The following LCLAT1 variants were observed in gnomAD, a reference collection of about 807,000 sequenced individuals.
The protein encoded by LCLAT1 is 1-AGP acyltransferase 8.
In LCLAT1, 11 loss-of-function variants were observed where a neutral mutation model predicts 30.7. That is an observed-to-expected ratio of 0.36 (90% CI 0.23 to 0.59). LCLAT1 has a LOEUF of 0.59. LCLAT1 is among the 20% of genes least tolerant of loss of function. LCLAT1 has a pLI of 0.77. For missense variants in LCLAT1, 402 were observed against 458.6 expected (o/e 0.88, Z 1.13); for synonymous variants, 155 against 151.3 (o/e 1.02, Z -0.18).
chr2:30,575,938 A>G (rs890687678), intron 5 of LCLAT1, among the ~76,000 whole-genome samples: 9 of 152,264 alleles, frequency 5.9e-5, no homozygotes, highest in African/African-American at 2.2e-4. Context: ...AGCTATAAAA[A>G]TGCCTACTAT....
intron 5 of LCLAT1, among the ~76,000 whole-genome samples, chr2:30,621,276 C>T (rs1009665537): frequency 2.0e-5 from 3 of 152,060 alleles, no homozygotes; most frequent in Admixed American, 6.6e-5. Context: ...GTGGAGTGAA[C>T]GTTTGTGTTC....
chr2:30,477,105 G>T (rs1024438147), intron 1 of LCLAT1, among the ~76,000 whole-genome samples: 1 of 152,074 alleles, frequency 6.6e-6, no homozygotes, highest in Non-Finnish European at 1.5e-5. Flanking sequence ...ATCAACGCTT[G>T]TTCCTGTGCC....
At chr2:30,465,192 A>G (rs1272866678) in intron 1 of LCLAT1, among the ~76,000 whole-genome samples, 1 of 152,226 alleles carries the variant, frequency 6.6e-6, no homozygotes, top group Non-Finnish European at 1.5e-5. Flanking sequence ...AGTGGTCCCT[A>G]AAAGCAATCC....
intron 3 of LCLAT1, among the ~76,000 whole-genome samples, chr2:30,550,399 T>C (rs1042505319): frequency 6.6e-6 from 1 of 152,244 alleles, no homozygotes; most frequent in Non-Finnish European, 1.5e-5. Flanking sequence ...AATACCACCT[T>C]GCTTTTTAGT....
chr2:30,497,922 T>C (rs1401304010), intron 1 of LCLAT1, among the ~76,000 whole-genome samples: 1 of 152,240 alleles, frequency 6.6e-6, no homozygotes, highest in Non-Finnish European at 1.5e-5. Context: ...TGGAATTTGC[T>C]ACACAAATGT....
At chr2:30,525,955 T>C (rs1415409038) in intron 2 of LCLAT1, among the ~76,000 whole-genome samples, 200 bp downstream of exon 2, 1 of 152,178 alleles carries the variant, frequency 6.6e-6, no homozygotes, top group Middle Eastern at 3.2e-3. Context: ...TTGTTATTGT[T>C]AGGGAATTGT....
At chr2:30,554,590 A>T (rs1246861870) in intron 3 of LCLAT1, among the ~76,000 whole-genome samples, 2 of 152,198 alleles carry the variant, frequency 1.3e-5, no homozygotes, top group Non-Finnish European at 2.9e-5. Context: ...CTTAATTCAT[A>T]AGGTTGTCTT....
chr2:30,469,154 C>T (rs1025391405), intron 1 of LCLAT1, among the ~76,000 whole-genome samples: 1 of 151,904 alleles, frequency 6.6e-6, no homozygotes, highest in Non-Finnish European at 1.5e-5. Context: ...GATACTAGAC[C>T]CTTGACTTGT....
At chr2:30,607,845 CTGTGTGTGTG>C (rs55801578) in intron 5 of LCLAT1, 19,081 of 137,980 alleles carry the variant, frequency 0.14, 1,541 homozygotes, top group East Asian at 0.37. Context: ...TAGGCCTAGG[CTGTGTGTGTG>C]TGTGTGTGTG....
chr2:30,636,627 T>C (rs1256049779), intron 5 of LCLAT1, among the ~76,000 whole-genome samples: 1 of 152,118 alleles, frequency 6.6e-6, no homozygotes, highest in Admixed American at 6.6e-5. Context: ...CCATCAAACT[T>C]GCCATCTCAA....
chr2:30,638,629 G>A (rs180853630), intron 5 of LCLAT1, among the ~76,000 whole-genome samples: 5 of 152,234 alleles, frequency 3.3e-5, no homozygotes, highest in East Asian at 1.9e-4. Flanking sequence ...CAAACTTCTC[G>A]GCCTCTTATA....
chr2:30,534,944 A>T (rs1686171408), intron 3 of LCLAT1, among the ~76,000 whole-genome samples: 2 of 152,202 alleles, frequency 1.3e-5, no homozygotes, highest in South Asian at 4.1e-4. Flanking sequence ...TCTACATGAG[A>T]TATACTAACA....
intron 5 of LCLAT1, among the ~76,000 whole-genome samples, chr2:30,625,835 A>G (rs956537046): frequency 6.6e-6 from 1 of 152,206 alleles, no homozygotes; most frequent in African/African-American, 2.4e-5. Flanking sequence ...GTCATACGAT[A>G]AGTGACCACT....
chr2:30,556,346 G>A (rs1456851287), intron 3 of LCLAT1, among the ~76,000 whole-genome samples: 1 of 152,094 alleles, frequency 6.6e-6, no homozygotes, highest in Non-Finnish European at 1.5e-5. Flanking sequence ...GCAGCAGAGT[G>A]GATTTGGTCC....
intron 5 of LCLAT1, among the ~76,000 whole-genome samples, chr2:30,586,529 A>C (rs1469880555): frequency 6.6e-6 from 1 of 152,194 alleles, no homozygotes; most frequent in East Asian, 1.9e-4. Context: ...CTATAACATC[A>C]TTGTGACTTA....
rs1398111110 is a variant in LCLAT1, at chr2:30,616,812, T to C, written c.629-23305T>C. On this transcript the variant is annotated intron_variant, in intron 5 of 5. Transcript: ENST00000379509. ...GCTTATTTGAATGAATAGGAAAAGA[T>C]CCTGTTTCAAATAAAATGCTAATAC... Among the ~76,000 whole-genome samples the C allele has an allele frequency of 2.0e-5, 3 of 151,962 alleles. No homozygotes were observed. The South Asian group carries it at 6.2e-4, about 32-fold the overall frequency.
At chr2:30,627,790 G>T (rs1404742893) in intron 5 of LCLAT1, among the ~76,000 whole-genome samples, 1 of 151,882 alleles carries the variant, frequency 6.6e-6, no homozygotes, top group African/African-American at 2.4e-5. Context: ...AAAGATATTT[G>T]ATAAAGTCAA....
In LCLAT1 at chr2:30,533,101, G is replaced by T; in HGVS notation, c.166-15G>T. On this transcript the variant is annotated splice_polypyrimidine_tract_variant and intron_variant, in intron 2 of 5. Transcript: ENST00000379509. ...CATAACTTTAATTTGCTGTATATCT[G>T]TATTGTTTTCTTAGGCATTATTGGA... 1.9e-6 allele frequency: 3 copies of T among 1,575,562 alleles called. No homozygotes were observed. Among genetic ancestry groups the T allele is most frequent in the Non-Finnish European group, 2.6e-6 (3 of 1,144,942 alleles).
intron 1 of LCLAT1, among the ~76,000 whole-genome samples, chr2:30,513,288 A>G (rs991150895): frequency 2.6e-5 from 4 of 151,720 alleles, no homozygotes; most frequent in African/African-American, 4.8e-5. Flanking sequence ...ACATTTAACT[A>G]TATGTATTTA....
Sources: allele counts gnomAD v4.1 joint callset (sites outside exome capture counted in the v4.1 genomes callset), GRCh38; gene constraint gnomAD v4.1.1; transcripts MANE v1.5; gene names NCBI Gene and HGNC (gene_info 2026-07-23, HGNC 2026-07-21).